Variants in TLK1 observed in about 807,000 individuals in gnomAD.
TLK1 encodes tousled like kinase 1.
A neutral mutation model predicts 105.3 loss-of-function variants in TLK1; 24 were observed. The ratio of observed to expected loss-of-function variants is 0.23; its 90% CI spans 0.17 to 0.32. The LOEUF (loss-of-function observed/expected upper bound fraction) is 0.32, where lower values mean the gene tolerates loss of function less well. Ranked by LOEUF, TLK1 falls within the 10% of genes least tolerant of loss-of-function variation. The probability of loss-of-function intolerance (pLI) is 1.00; values close to 1 mark genes in which losing one functional copy is unlikely to be tolerated. For missense variants in TLK1, 558 were observed against 910.5 expected, an observed-to-expected ratio of 0.61 and a Z score of 4.98; for synonymous variants, 321 against 310.4, an observed-to-expected ratio of 1.03 and a Z score of -0.36.
chr2:171,115,946 T>C (rs994958829), intron 2 of TLK1, among the ~76,000 whole-genome samples: 3 of 152,238 alleles, frequency 2.0e-5, no homozygotes, highest in African/African-American at 7.2e-5. Context: ...TAATTCTTAT[T>C]AAAATATCTA....
At position 170,990,968 on chromosome 2, in the gene TLK1, GAC is replaced by G. The variant is rs1448350683; in HGVS notation, c.*2810_*2811del. 6.6e-6 allele frequency: 1 copy of G among 151,204 alleles called. No homozygotes were observed. The highest frequency in any genetic ancestry group is 1.5e-5 in the Non-Finnish European group (1 of 67,904). The allele number at this position is 151,204 out of a possible 1,614,324, so 9.4% of individuals were successfully genotyped here. Reference sequence around the variant, plus strand: ...TCACATTTTATATGCCATTTAAACTGACAGAGTTGTTTTAGAAGGAGATGGTA... The same window carrying G: ...TCACATTTTATATGCCATTTAAACTGAGAGTTGTTTTAGAAGGAGATGGTA... On this transcript the variant is annotated 3_prime_UTR_variant, in exon 21 of 21. Coordinates refer to ENST00000431350, the MANE Select transcript of TLK1 (RefSeq NM_012290.5).
At chr2:171,204,634 A>G (rs1693467621) in intron 1 of TLK1, among the ~76,000 whole-genome samples, 1 of 152,102 alleles carries the variant, frequency 6.6e-6, no homozygotes, top group Non-Finnish European at 1.5e-5. Context: ...AAGCCACTCC[A>G]AAAAGGAAAA....
intron 20 of TLK1, chr2:170,994,711 AC>A (rs778252606): frequency 1.7e-5 from 9 of 517,610 alleles, no homozygotes; most frequent in Non-Finnish European, 3.5e-5. Context: ...CCCCAGTCGA[AC>A]CTGGGTTAAC....
At chr2:171,158,777 T>C (rs1283452798) in intron 1 of TLK1, among the ~76,000 whole-genome samples, 2 of 152,204 alleles carry the variant, frequency 1.3e-5, no homozygotes, top group African/African-American at 4.8e-5. Flanking sequence ...CATTTAAAAA[T>C]TTTCAAGTGC....
chr2:171,064,492 A>G (rs1442008569), intron 3 of TLK1, among the ~76,000 whole-genome samples: 9 of 152,236 alleles, frequency 5.9e-5, no homozygotes, highest in African/African-American at 2.2e-4. Context: ...TAATGTGCAC[A>G]TATTAAACAT....
chr2:171,184,311 A>G (rs1030127502), intron 1 of TLK1, among the ~76,000 whole-genome samples: 1 of 152,224 alleles, frequency 6.6e-6, no homozygotes, highest in African/African-American at 2.4e-5. Flanking sequence ...AAAGAAATTT[A>G]TATTGTTTAA....
intron 3 of TLK1, among the ~76,000 whole-genome samples, chr2:171,075,184 T>G (rs1192071598): frequency 6.6e-6 from 1 of 152,100 alleles, no homozygotes; most frequent in Non-Finnish European, 1.5e-5. Flanking sequence ...AGCTAAGCAC[T>G]AAGCATTAAG....
chr2:171,132,257 G>A (rs1414508448), intron 1 of TLK1, among the ~76,000 whole-genome samples: 2 of 152,140 alleles, frequency 1.3e-5, no homozygotes, highest in Non-Finnish European at 2.9e-5. Context: ...ATTACATCTT[G>A]TGAGAACTCA....
Position 171,117,786 on chromosome 2 carries a change from C to T in TLK1, c.211G>A (p.Ala71Thr). 6.2e-7 allele frequency: 1 copy of T among 1,613,982 alleles called. No homozygotes were observed. The highest frequency in any genetic ancestry group is 8.5e-7 in the Non-Finnish European group (1 of 1,179,980). The change falls in exon 2 of 21, where the codon GCA becomes ACA. Residue 71 changes from alanine to threonine, a missense_variant. Transcript: ENST00000431350. ...ELLEARFTGV[A>T]SGSTGSTGSC... ...CCCGTACTTCCAGTGCTCCCACTTG[C>T]AACTCCAGTAAATCTAGCTTCCAAT...
chr2:171,037,693 C>A (rs1470598356), intron 11 of TLK1, among the ~76,000 whole-genome samples: 2 of 152,146 alleles, frequency 1.3e-5, no homozygotes, highest in African/African-American at 4.8e-5. Flanking sequence ...CAACCTTGCA[C>A]ATCCAACATA....
chr2:171,201,898 C>CTATCT (rs1329171676), intron 1 of TLK1, among the ~76,000 whole-genome samples: 2 of 148,178 alleles, frequency 1.3e-5, no homozygotes, highest in Admixed American at 6.8e-5. Flanking sequence ...TATCAGCTAT[C>CTATCT]ATCTATCTAT....
chr2:171,153,919 G>A (rs552978014), intron 1 of TLK1: 1 of 152,182 alleles, frequency 6.6e-6, no homozygotes. Context: ...TTGAGACAGG[G>A]TGTCACTGTG....
At chr2:171,211,849 C>CT (rs776587137) in intron 1 of TLK1, among the ~76,000 whole-genome samples, 353 of 139,842 alleles carry the variant, frequency 2.5e-3, no homozygotes, top group Middle Eastern at 4.3e-3. Flanking sequence ...TGCCCGGCCT[C>CT]TTTTTTTTTT....
chr2:171,155,815 A>C, intron 1 of TLK1: 1 of 152,186 alleles, frequency 6.6e-6, no homozygotes, highest in South Asian at 2.1e-4. Flanking sequence ...ATTCTGGTAA[A>C]AAATTAGACT....
intron 18 of TLK1, among the ~76,000 whole-genome samples, chr2:171,005,023 G>A (rs1480139449): frequency 1.3e-5 from 2 of 152,210 alleles, no homozygotes; most frequent in African/African-American, 2.4e-5. Flanking sequence ...CAGTGGCATC[G>A]TGTGTAAGTG....
At chr2:171,098,813 A>AACAT (rs1374278310) in intron 2 of TLK1, among the ~76,000 whole-genome samples, 1 of 152,210 alleles carries the variant, frequency 6.6e-6, no homozygotes, top group Non-Finnish European at 1.5e-5. Flanking sequence ...AGGTTAGTTC[A>AACAT]ACATACACCA....
chr2:171,057,689 G>T (rs1358326951), intron 5 of TLK1, among the ~76,000 whole-genome samples: 2 of 152,024 alleles, frequency 1.3e-5, no homozygotes, highest in Non-Finnish European at 2.9e-5. Flanking sequence ...ATAGTAGAAA[G>T]AATTCTCAAC....
intron 1 of TLK1, among the ~76,000 whole-genome samples, chr2:171,171,814 A>G (rs551107327): frequency 1.3e-5 from 2 of 152,346 alleles, no homozygotes; most frequent in South Asian, 2.1e-4. Context: ...TATGTGCAAC[A>G]CTGGGAACTC....
intron 1 of TLK1, among the ~76,000 whole-genome samples, chr2:171,122,230 C>T (rs1690682674): frequency 6.6e-6 from 1 of 152,152 alleles, no homozygotes; most frequent in Admixed American, 6.5e-5. Flanking sequence ...TCCCAAAGTG[C>T]TGGGATTACA....
Sources: gnomAD v4.1 joint callset for allele counts (sites outside exome capture counted in the v4.1 genomes callset) on GRCh38, gnomAD v4.1.1 for gene constraint, MANE v1.5 for transcripts, NCBI Gene and HGNC (gene_info 2026-07-23, HGNC 2026-07-21) for gene names.